The following HDAC4 variants were observed in gnomAD, a reference collection of about 807,000 sequenced individuals.
The protein encoded by HDAC4 is histone deacetylase 4, also known as histone deacetylase A.
HDAC4 carries 16 observed loss-of-function variants against 135.1 expected under a neutral mutation model. The ratio of observed to expected loss-of-function variants is 0.12; its 90% CI spans 0.08 to 0.18. HDAC4 has a LOEUF of 0.18. HDAC4 is among the 10% of genes least tolerant of loss of function. HDAC4 has a pLI of 1.00. For synonymous variants in HDAC4, 685 were observed against 653.4 expected, an observed-to-expected ratio of 1.05 and a Z score of -0.74; for missense variants, 1,143 against 1,511.8, an observed-to-expected ratio of 0.76 and a Z score of 4.05.
chr2:239,094,962 G>T (rs1327699959), intron 17 of HDAC4, 48 bp downstream of exon 17: 2 of 1,613,238 alleles, frequency 1.2e-6, no homozygotes, highest in African/African-American at 2.7e-5. Flanking sequence ...TGACCACTGG[G>T]ACTCGAGAAG....
Position 239,352,821 on chromosome 2 carries a change from G to T in HDAC4, c.-122C>A. 9.8e-7 allele frequency: 1 copy of T among 1,021,060 alleles called. No individual in the cohort carries two copies. Among genetic ancestry groups the T allele is most frequent in the Non-Finnish European group, 1.5e-6 (1 of 667,012 alleles). 63.3% of individuals were successfully genotyped at this position (1,021,060 alleles called of 1,614,324 possible). On this transcript the variant is annotated 5_prime_UTR_variant, in exon 2 of 27. Coordinates refer to ENST00000543185, the MANE Select transcript of HDAC4 (RefSeq NM_001378414.1). The surrounding 1 kb of genome is among the most constrained non-coding windows in gnomAD (Gnocchi z 4.4). ...CAAGTACCGGGACGGTGAGGGCTGG[G>T]TCACAGACGTTCAAGCGCCGAGCCT...
intron 2 of HDAC4, among the ~76,000 whole-genome samples, chr2:239,288,733 T>G (rs1312986443): frequency 1.3e-5 from 2 of 150,990 alleles, no homozygotes; most frequent in Non-Finnish European, 3.0e-5. Flanking sequence ...AAAGAATAAA[T>G]CTAACTTGAC....
chr2:239,178,191 C>T (rs1040035794), intron 4 of HDAC4, among the ~76,000 whole-genome samples: 1 of 152,226 alleles, frequency 6.6e-6, no homozygotes, highest in African/African-American at 2.4e-5. Context: ...TCTCTGCCAC[C>T]CTCTGTGGCC....
rs959612855 is a variant in HDAC4 at position 239,334,136 on chromosome 2, T to C, written c.22+18542A>G. ...GAGGTATCTGGAGACACGACAAATA[T>C]ACAAAAATGAATTGTGCTTCTAAAC... is the stretch of plus-strand genomic sequence containing the variant. On this transcript the variant is annotated intron_variant, in intron 2 of 26. Coordinates refer to ENST00000543185, the MANE Select transcript of HDAC4 (RefSeq NM_001378414.1). Among the ~76,000 whole-genome samples, 9 of 152,276 alleles carry C rather than the reference T, an allele frequency of 5.9e-5. No homozygotes were observed. The South Asian group carries it at 8.3e-4, about 14-fold the overall frequency.
chr2:239,347,360 T>C (rs1464242725), intron 2 of HDAC4, among the ~76,000 whole-genome samples: 1 of 152,224 alleles, frequency 6.6e-6, no homozygotes, highest in Non-Finnish European at 1.5e-5. Flanking sequence ...GCAACTGTAT[T>C]ACCATGAACT....
intron 2 of HDAC4, among the ~76,000 whole-genome samples, chr2:239,250,118 C>T (rs774307763): frequency 1.3e-5 from 2 of 152,284 alleles, no homozygotes; most frequent in Non-Finnish European, 2.9e-5. Flanking sequence ...CCCCGCTCCA[C>T]ATCTCCTATG....
intron 2 of HDAC4, among the ~76,000 whole-genome samples, chr2:239,292,884 T>C (rs905618817): frequency 6.6e-6 from 1 of 152,182 alleles, no homozygotes; most frequent in Non-Finnish European, 1.5e-5. Context: ...GCAACAGCAC[T>C]AAGAGCAAAA....
chr2:239,383,271 T>C (rs534262677), intron 1 of HDAC4, among the ~76,000 whole-genome samples: 47 of 152,280 alleles, frequency 3.1e-4, no homozygotes, highest in South Asian at 1.0e-3. Flanking sequence ...CAGGAGGCCC[T>C]GGCACTGCTC....
At chr2:239,144,755 A>C (rs372958079) in intron 7 of HDAC4, 41 bp from the exon 8 acceptor site, 4 of 1,606,856 alleles carry the variant, frequency 2.5e-6, no homozygotes, top group Non-Finnish European at 3.4e-6. Flanking sequence ...GGCAGACACC[A>C]CTGGCTCAAG....
At chr2:239,360,393 A>G (rs552853134) in intron 1 of HDAC4, among the ~76,000 whole-genome samples, 1 of 152,206 alleles carries the variant, frequency 6.6e-6, no homozygotes, top group Admixed American at 6.5e-5. Flanking sequence ...CAGTTGGGCT[A>G]AAAAAGTAGC....
At chr2:239,053,775 C>T (rs973412934) in intron 25 of HDAC4, among the ~76,000 whole-genome samples, 174 bp from the exon 26 acceptor site, 1 of 152,182 alleles carries the variant, frequency 6.6e-6, no homozygotes, top group African/African-American at 2.4e-5. Flanking sequence ...TACAAACTCA[C>T]AAAGACCCAA....
chr2:239,319,868 T>C (rs2125755056), intron 2 of HDAC4, among the ~76,000 whole-genome samples: 1 of 152,334 alleles, frequency 6.6e-6, no homozygotes, highest in African/African-American at 2.4e-5. Flanking sequence ...TCATATTGTT[T>C]AGGAACATGT....
chr2:239,351,515 T>C (rs527348056), intron 2 of HDAC4, among the ~76,000 whole-genome samples: 1 of 152,348 alleles, frequency 6.6e-6, no homozygotes, highest in Non-Finnish European at 1.5e-5. Context: ...AATGTCTATT[T>C]AGACACTTTG....
chr2:239,168,960 G>A (rs986193757), intron 5 of HDAC4, among the ~76,000 whole-genome samples: 2 of 152,330 alleles, frequency 1.3e-5, no homozygotes, highest in East Asian at 3.9e-4. Flanking sequence ...AGTTAAGGGT[G>A]GACGGCGCTT....
intron 15 of HDAC4, among the ~76,000 whole-genome samples, 191 bp from the exon 16 acceptor site, chr2:239,103,087 T>C (rs1380489983): frequency 5.9e-5 from 9 of 152,222 alleles, no homozygotes; most frequent in Non-Finnish European, 1.0e-4. Context: ...ATTTAAGAAA[T>C]ATTTTAGAGG....
chr2:239,055,123 G>A (rs1005896022), intron 24 of HDAC4: 6 of 383,196 alleles, frequency 1.6e-5, no homozygotes, highest in African/African-American at 8.3e-5. Context: ...CGTGAACTTG[G>A]TATCTGCCAT....
At chr2:239,328,361 GAA>G (rs35349909) in intron 2 of HDAC4, among the ~76,000 whole-genome samples, 1 of 152,318 alleles carries the variant, frequency 6.6e-6, no homozygotes, top group African/African-American at 2.4e-5. Flanking sequence ...AAACGCTGCT[GAA>G]AAGGCCTTAA....
rs777443073 is a variant in HDAC4 at position 239,090,001 on chromosome 2, C to G, written c.2388+8G>C. 2.5e-6 allele frequency: 4 copies of G among 1,605,990 alleles called. No homozygotes were observed. In the Admixed American group the frequency reaches 6.7e-5, roughly 27 times the overall value. On this transcript the variant is annotated splice_region_variant and intron_variant, in intron 18 of 26. Coordinates refer to ENST00000543185, the MANE Select transcript of HDAC4 (RefSeq NM_001378414.1). ...TGGAGGGCCACCACTGTCCAGGCCC[C>G]GACTGACCTTCAGCTCCCCTGTGGC... is the stretch of plus-strand genomic sequence containing the variant.
chr2:239,106,354 G>A (rs377184374), intron 15 of HDAC4, among the ~76,000 whole-genome samples: 1 of 152,186 alleles, frequency 6.6e-6, no homozygotes, highest in African/African-American at 2.4e-5. Context: ...TGTAGGGGAG[G>A]GACAAGGAAG....
Sources: allele counts gnomAD v4.1 joint callset (sites outside exome capture counted in the v4.1 genomes callset), GRCh38; gene constraint gnomAD v4.1.1; non-coding constraint Gnocchi (gnomAD v3.1); transcripts MANE v1.5; gene names NCBI Gene and HGNC (gene_info 2026-07-23, HGNC 2026-07-21).